Variants in HAT1 observed in about 807,000 individuals in gnomAD.
HAT1 encodes histone acetyltransferase 1.
In HAT1, 20 loss-of-function variants were observed where a neutral mutation model predicts 56.6. The observed-to-expected ratio is 0.35, with a 90% confidence interval of 0.25 to 0.51. HAT1 has a LOEUF of 0.51. HAT1 is among the 20% of genes least tolerant of loss of function. The pLI, the probability that HAT1 is intolerant of heterozygous loss-of-function variation, is 0.95. For missense variants in HAT1, 408 were observed against 504.3 expected, an observed-to-expected ratio of 0.81 and a Z score of 1.83; for synonymous variants, 146 against 165.5, an observed-to-expected ratio of 0.88 and a Z score of 0.91.
At chr2:171,948,727 T>A (rs1687232128) in intron 3 of HAT1, among the ~76,000 whole-genome samples, 1 of 152,244 alleles carries the variant, frequency 6.6e-6, no homozygotes, top group African/African-American at 2.4e-5. Flanking sequence ...TTGTAGGGTA[T>A]AGGCTAATTT....
intron 2 of HAT1, among the ~76,000 whole-genome samples, chr2:171,939,788 C>CT (rs1686972889): frequency 6.6e-6 from 1 of 151,320 alleles, no homozygotes; most frequent in Non-Finnish European, 1.5e-5. Flanking sequence ...GAAACAACTC[C>CT]TTTTTTTCTT....
Position 171,975,375 on chromosome 2 carries a change from G to A in HAT1, c.824-782G>A, listed in dbSNP as rs145595371. Among the ~76,000 whole-genome samples, 177 of 152,258 alleles carry A rather than the reference G, an allele frequency of 1.2e-3. 1 individual carries two copies. The highest frequency in any genetic ancestry group is 3.4e-3 in the Middle Eastern group (1 of 294). ...CCGCCTCAGCCTTCCAAAGTGCTGG[G>A]ATTACAGGTGTGAGCCACTGTGCCT... On this transcript the variant is annotated intron_variant, in intron 8 of 10. Coordinates refer to ENST00000264108, the MANE Select transcript of HAT1 (RefSeq NM_003642.4).
rs1236420588 is a variant in HAT1, at chr2:171,965,534, A to G, written c.489+17A>G. The G allele has an allele frequency of 4.2e-6, 6 of 1,440,984 alleles. No individual in the cohort carries two copies. In the East Asian group the frequency reaches 6.9e-5, roughly 17 times the overall value. 89.3% of individuals were successfully genotyped at this position (1,440,984 alleles called of 1,614,324 possible). A position where few individuals can be genotyped will look rare whatever the true frequency, so the allele number is the denominator to read the frequency against. ...ATATATAAGGTAAAGATAAATCTAA[A>G]TATTTATTGAGTAAAGTTCTATTTG... is the stretch of plus-strand genomic sequence containing the variant. On this transcript the variant is annotated intron_variant, in intron 5 of 10. Coordinates refer to ENST00000264108, the MANE Select transcript of HAT1 (RefSeq NM_003642.4).
intron 9 of HAT1, among the ~76,000 whole-genome samples, chr2:171,977,235 G>A (rs550333514): frequency 1.3e-5 from 2 of 151,026 alleles, no homozygotes; most frequent in South Asian, 4.2e-4. Context: ...CCAGCACTTT[G>A]GGTGGATCAC....
At chr2:171,950,970 C>T (rs1296775769) in intron 3 of HAT1, among the ~76,000 whole-genome samples, 1 of 151,912 alleles carries the variant, frequency 6.6e-6, no homozygotes, top group Non-Finnish European at 1.5e-5. Flanking sequence ...CCACCATGCC[C>T]AGCTAATTTT....
At chr2:171,945,778 C>T (rs900010940) in intron 2 of HAT1, among the ~76,000 whole-genome samples, 1 of 152,188 alleles carries the variant, frequency 6.6e-6, no homozygotes, top group African/African-American at 2.4e-5. Context: ...AAGTAGTTCT[C>T]CTGCCTCAGC....
chr2:171,953,661 G>A (rs1687369802), intron 4 of HAT1, among the ~76,000 whole-genome samples: 1 of 98,228 alleles, frequency 1.0e-5, no homozygotes, highest in Non-Finnish European at 1.9e-5. Context: ...AAAAATTAAG[G>A]TTTGAGGGAA....
chr2:171,923,770 C>T (rs1406328776), intron 1 of HAT1: 2 of 152,226 alleles, frequency 1.3e-5, no homozygotes, highest in African/African-American at 4.8e-5. Context: ...CTAAGAATTA[C>T]ATCTAAATTC....
intron 10 of HAT1, among the ~76,000 whole-genome samples, chr2:171,981,405 C>T (rs1405409294): frequency 6.6e-6 from 1 of 152,110 alleles, no homozygotes; most frequent in South Asian, 2.1e-4. Flanking sequence ...ATCAGGTACA[C>T]ATAGTTTTGG....
At chr2:171,947,332 G>T (rs1012727945) in intron 3 of HAT1, among the ~76,000 whole-genome samples, 1 of 152,082 alleles carries the variant, frequency 6.6e-6, no homozygotes, top group African/African-American at 2.4e-5. Flanking sequence ...AAAGCTCACT[G>T]CAGCCTGAAC....
At chr2:171,975,102 C>CTTT (rs56657515) in intron 8 of HAT1, among the ~76,000 whole-genome samples, 1 of 130,936 alleles carries the variant, frequency 7.6e-6, no homozygotes, top group Non-Finnish European at 1.7e-5. Flanking sequence ...TATTTTCTTT[C>CTTT]TTTTTTTTTT....
In HAT1 at chr2:171,941,685, C is replaced by T. The variant is rs191219763; in HGVS notation, c.113-5023C>T. Reference sequence around the variant, plus strand: ...CCACCACTGATCTGACAGAAGGCGGCGCTCAGGCAGTAGTGCAAGCAGTGG... The same window carrying T: ...CCACCACTGATCTGACAGAAGGCGGTGCTCAGGCAGTAGTGCAAGCAGTGG... On this transcript the variant is annotated intron_variant, in intron 2 of 10. Transcript: ENST00000264108. 2.4e-3 allele frequency among the ~76,000 whole-genome samples: 373 copies of T among 152,264 alleles called. 1 individual carries two copies. The highest frequency in any genetic ancestry group is 3.4e-3 in the Middle Eastern group (1 of 294).
At chr2:171,940,477 C>G (rs760346030) in intron 2 of HAT1, among the ~76,000 whole-genome samples, 1 of 152,168 alleles carries the variant, frequency 6.6e-6, no homozygotes, top group Non-Finnish European at 1.5e-5. Context: ...TAAAAGTTCA[C>G]GACAAATGTC....
chr2:171,966,098 G>A, intron 6 of HAT1, 190 bp downstream of exon 6: 1 of 597,486 alleles, frequency 1.7e-6, no homozygotes, highest in Non-Finnish European at 2.9e-6. Flanking sequence ...ATTAAATGCT[G>A]TTGTCCGTTA....
chr2:171,935,695 A>C (rs544425511), intron 2 of HAT1, among the ~76,000 whole-genome samples: 22 of 151,968 alleles, frequency 1.4e-4, no homozygotes, highest in African/African-American at 5.3e-4. Context: ...TGGGCAACAT[A>C]GGGAGACCCC....
chr2:171,962,709 A>C (rs1011890726), intron 4 of HAT1, among the ~76,000 whole-genome samples: 3 of 152,110 alleles, frequency 2.0e-5, no homozygotes, highest in Non-Finnish European at 4.4e-5. Context: ...TCTTTTTAAA[A>C]ATTTTTTTGA....
At chr2:171,938,117 C>T (rs1241405198) in intron 2 of HAT1, among the ~76,000 whole-genome samples, 1 of 149,200 alleles carries the variant, frequency 6.7e-6, no homozygotes, top group Non-Finnish European at 1.5e-5. Flanking sequence ...GCAGGGCAGG[C>T]ATGGTGGCTC....
chr2:171,958,299 T>C (rs774382784), intron 4 of HAT1, among the ~76,000 whole-genome samples: 5 of 152,008 alleles, frequency 3.3e-5, no homozygotes, highest in African/African-American at 4.8e-5. Context: ...GGATCCAGGC[T>C]CTTGGGCTTA....
chr2:171,932,148 C>T (rs982703897), intron 2 of HAT1, among the ~76,000 whole-genome samples: 6 of 152,180 alleles, frequency 3.9e-5, no homozygotes, highest in Non-Finnish European at 7.3e-5. Context: ...ATTAGCCTTG[C>T]ATGCCAGTAT....
Sources: allele counts gnomAD v4.1 joint callset (sites outside exome capture counted in the v4.1 genomes callset), GRCh38; gene constraint gnomAD v4.1.1; transcripts MANE v1.5; gene names NCBI Gene and HGNC (gene_info 2026-07-23, HGNC 2026-07-21).